AREL1: variants seen among roughly 807,000 people sequenced by gnomAD.
AREL1 encodes apoptosis resistant E3 ubiquitin protein ligase 1, also known as apoptosis-resistant E3 ubiquitin protein ligase 1.
AREL1 carries 62 observed loss-of-function variants against 99.0 expected under a neutral mutation model. The ratio of observed to expected loss-of-function variants is 0.63; its 90% CI spans 0.51 to 0.77. The LOEUF is 0.77. Ranked by LOEUF, AREL1 falls within the 30% of genes least tolerant of loss-of-function variation. The probability of loss-of-function intolerance (pLI) is 0.00; values close to 1 mark genes in which losing one functional copy is unlikely to be tolerated. For missense variants in AREL1, 879 were observed against 1,027.6 expected, an observed-to-expected ratio of 0.86 and a Z score of 1.98; for synonymous variants, 380 against 376.5, an observed-to-expected ratio of 1.01 and a Z score of -0.11.
chr14:74,674,097 C>G lies in AREL1; in HGVS notation c.1095G>C (p.Lys365Asn). 1 of 1,613,654 alleles carries G rather than the reference C, an allele frequency of 6.2e-7. No individual in the cohort carries two copies. Among genetic ancestry groups the G allele is most frequent in the East Asian group, 2.2e-5 (1 of 44,866 alleles). The change falls in exon 9 of 20, where the codon AAG becomes AAC. Residue 365 changes from lysine (K) to asparagine (N), a missense_variant. Physicochemically the swap from Lys to Asn is moderately conservative, Grantham distance 94. Coordinates refer to ENST00000356357, the MANE Select transcript of AREL1 (RefSeq NM_001039479.2). ...AGGGGATGATCTTCAGGTAGAACTC[C>G]TTCACTGAGAATTGCTGGAGGACCA... ...CYVSPKQFSV[K>N]EFYLKIIPWR...
In AREL1 at chr14:74,712,939, C is replaced by G; in HGVS notation, c.-340G>C. On this transcript the variant is annotated 5_prime_UTR_variant, in exon 1 of 20. Transcript: ENST00000356357. ...GGCTGGAGAGAAACGTTACCCGAGC[C>G]GGGGGTTGCAGCGCGACGAAGTTCC... 10 of 686,304 alleles carry G rather than the reference C, an allele frequency of 1.5e-5. No homozygotes were observed. The highest frequency in any genetic ancestry group is 2.7e-5 in the Non-Finnish European group (10 of 375,752). 42.5% of individuals were successfully genotyped at this position (686,304 alleles called of 1,614,324 possible). A position where few individuals can be genotyped will look rare whatever the true frequency, so the allele number is the denominator to read the frequency against.
At chr14:74,676,080 T>C in intron 7 of AREL1, 61 bp downstream of exon 7, 2 of 1,575,602 alleles carry the variant, frequency 1.3e-6, no homozygotes, top group South Asian at 1.2e-5. Context: ...GACAAAAGAG[T>C]GCAAACAGGC....
intron 1 of AREL1, among the ~76,000 whole-genome samples, chr14:74,693,244 A>G (rs2089919372): frequency 6.6e-6 from 1 of 152,244 alleles, no homozygotes; most frequent in Admixed American, 6.5e-5. Flanking sequence ...CAGCCTATGC[A>G]GTCTGCTCCC....
chr14:74,679,445 C>T (rs987531992), intron 5 of AREL1, among the ~76,000 whole-genome samples: 2 of 152,114 alleles, frequency 1.3e-5, no homozygotes, highest in African/African-American at 4.8e-5. Context: ...AGAAAAGCTA[C>T]AGATGGGGAG....
At chr14:74,706,084 T>A (rs370604316) in intron 1 of AREL1, among the ~76,000 whole-genome samples, 1 of 152,156 alleles carries the variant, frequency 6.6e-6, no homozygotes. Flanking sequence ...TTCCCTCCTA[T>A]CTTGATGTGT....
intron 14 of AREL1, 77 bp from the exon 15 acceptor site, chr14:74,669,851 C>T: frequency 6.3e-7 from 1 of 1,587,740 alleles, no homozygotes; most frequent in Non-Finnish European, 8.6e-7. Context: ...AACCACTTAT[C>T]CCTTCAACCT....
rs751345555 is a variant in AREL1, at chr14:74,667,362, A to G, written c.2060T>C (p.Val687Ala). 5.0e-6 allele frequency: 8 copies of G among 1,614,004 alleles called. No homozygotes were observed. In the African/African-American group the frequency reaches 8.0e-5, roughly 16 times the overall value. Residue 687 changes from valine to alanine, a missense_variant, in exon 17 of 20, where the codon GTC (valine) becomes GCC (alanine). Physicochemically the swap from Val to Ala is moderately conservative, Grantham distance 64 (BLOSUM62 0). Transcript: ENST00000356357. ...EHFLKGLNEL[V>A]PENLLAIFDE... Reference sequence around the variant, plus strand: ...AAAAATAGCCAAAAGGTTCTCAGGGACCAATTCATTCAGGCCTGAAACAAA... The same window carrying G: ...AAAAATAGCCAAAAGGTTCTCAGGGGCCAATTCATTCAGGCCTGAAACAAA...
chr14:74,698,179 G>A (rs182252510), intron 1 of AREL1, among the ~76,000 whole-genome samples: 4 of 152,166 alleles, frequency 2.6e-5, no homozygotes, highest in African/African-American at 4.8e-5. Flanking sequence ...ACCACTAGAG[G>A]TACTTGAGCC....
chr14:74,673,294 GTA>G (rs2089398648), intron 9 of AREL1, 76 bp from the exon 10 acceptor site: 1 of 1,451,012 alleles, frequency 6.9e-7, no homozygotes, highest in African/African-American at 1.4e-5. Context: ...TCTATCCTGT[GTA>G]CCAACCAACA....
rs2089285505 is a variant in AREL1 at position 74,669,653 on chromosome 14, T to A, written c.1910A>T (p.Asp637Val). Residue 637 changes from aspartate (D) to valine (V), a missense_variant, in exon 15 of 20, where the codon GAT becomes GTT. Physicochemically the swap from Asp to Val is radical, Grantham distance 152. Coordinates refer to ENST00000356357, the MANE Select transcript of AREL1 (RefSeq NM_001039479.2). ...EEKYNKSGQL[D>V]KVVELMTGGA... is the part of the protein sequence containing the mutation. ...AGGCTTTGTCCTCTTTCTCACCTTA[T>A]CCAATTGACCTGATTTATTATATTT... 2.5e-6 allele frequency: 4 copies of A among 1,613,874 alleles called. No individual in the cohort carries two copies. The highest frequency in any genetic ancestry group is 1.3e-5 in the African/African-American group (1 of 74,924).
chr14:74,712,698 C>T (rs771331237), intron 1 of AREL1, among the ~76,000 whole-genome samples: 1 of 151,952 alleles, frequency 6.6e-6, no homozygotes, highest in Non-Finnish European at 1.5e-5. Flanking sequence ...AACAATCATC[C>T]ACCTAGCTGC....
rs374133829 is a variant in AREL1 at position 74,683,404 on chromosome 14, C to T, written c.373G>A (p.Val125Ile). ...CGCACAGTGAAGGCCACTTTTACTA[C>T]GTTGGAATTGGGCTCCTGAAGGACT... ...QEVLQEPNSN[V>I]VKVAFTVRKA... Residue 125 changes from valine to isoleucine, a missense_variant, in exon 5 of 20, where the codon GTA becomes ATA. Physicochemically the swap from Val to Ile is conservative, Grantham distance 29. Transcript: ENST00000356357. The T allele has an allele frequency of 3.2e-5, 51 of 1,614,108 alleles. No individual in the cohort carries two copies. The highest frequency in any genetic ancestry group is 5.3e-5 in the African/African-American group (4 of 75,010).
intron 3 of AREL1, among the ~76,000 whole-genome samples, chr14:74,685,093 G>A (rs1405274207): frequency 2.0e-5 from 3 of 152,112 alleles, no homozygotes; most frequent in Non-Finnish European, 2.9e-5. Flanking sequence ...TATAATGTCC[G>A]CCCTGCTCCC....
chr14:74,704,509 C>A (rs567463240), intron 1 of AREL1, among the ~76,000 whole-genome samples: 2 of 152,142 alleles, frequency 1.3e-5, no homozygotes, highest in Non-Finnish European at 2.9e-5. Flanking sequence ...CCAAAGAAGG[C>A]AATCAGATAT....
intron 18 of AREL1, among the ~76,000 whole-genome samples, chr14:74,664,295 T>C (rs1258664232): frequency 6.6e-6 from 1 of 152,130 alleles, no homozygotes; most frequent in African/African-American, 2.4e-5. Flanking sequence ...CCATCTCCAA[T>C]TTACTACTCC....
chr14:74,666,239 C>T (rs950426873), intron 17 of AREL1, among the ~76,000 whole-genome samples: 2 of 152,292 alleles, frequency 1.3e-5, no homozygotes, highest in East Asian at 1.9e-4. Context: ...CCTAAAGAAA[C>T]GTTTGCAGAA....
At chr14:74,673,009 T>C in intron 10 of AREL1, 57 bp from the exon 11 acceptor site, 1 of 1,614,012 alleles carries the variant, frequency 6.2e-7, no homozygotes, top group Non-Finnish European at 8.5e-7. Context: ...TGTGTAGTCC[T>C]GCCTCTCCAC....
intron 1 of AREL1, among the ~76,000 whole-genome samples, chr14:74,709,706 A>C (rs1230292079): frequency 2.0e-5 from 3 of 152,228 alleles, no homozygotes; most frequent in African/African-American, 7.2e-5. Context: ...ACAGCGACTA[A>C]TGTTTGTTGG....
chr14:74,711,701 A>G (rs970084929), intron 1 of AREL1, among the ~76,000 whole-genome samples: 2 of 152,138 alleles, frequency 1.3e-5, no homozygotes, highest in South Asian at 2.1e-4. Context: ...ATGAATAAAC[A>G]TAAGTCCTGA....
Sources: gnomAD v4.1 joint callset for allele counts (sites outside exome capture counted in the v4.1 genomes callset) on GRCh38, gnomAD v4.1.1 for gene constraint, MANE v1.5 for transcripts, NCBI Gene and HGNC (gene_info 2026-07-23, HGNC 2026-07-21) for gene names.